The following ZMPSTE24 variants were observed in gnomAD, a reference collection of about 807,000 sequenced individuals.
ZMPSTE24 encodes the protein zinc metallopeptidase STE24, also known as CAAX prenyl protease 1 homolog.
ZMPSTE24 carries 48 observed loss-of-function variants against 56.7 expected under a neutral mutation model. That is an observed-to-expected ratio of 0.85 (90% confidence interval 0.67 to 1.08). The LOEUF is 1.08. Among genes scored for constraint, ZMPSTE24 ranks in the 50% least tolerant of loss-of-function variants. The pLI is 0.00. For synonymous variants in ZMPSTE24, 172 were observed against 195.2 expected, an observed-to-expected ratio of 0.88 and a Z score of 0.99; for missense variants, 503 against 548.7, an observed-to-expected ratio of 0.92 and a Z score of 0.83.
At position 40,267,856 on chromosome 1, in the gene ZMPSTE24, T is replaced by C. The variant is rs529962801; in HGVS notation, c.341T>C (p.Phe114Ser). Reference sequence around the variant, plus strand: ...GGACGGTTCTGTGGTTATGCTGGCTTTGGACCAGAATATGAGGTATGTGAT... The same window carrying C: ...GGACGGTTCTGTGGTTATGCTGGCTCTGGACCAGAATATGAGGTATGTGAT... Reference protein sequence around the residue: ...LSGRFCGYAGFGPEYEITQSL... With the variant: ...LSGRFCGYAGSGPEYEITQSL... Residue 114 changes from phenylalanine to serine, a missense_variant, in exon 3 of 10, where the codon TTT becomes TCT. Phe to Ser is a radical substitution (Grantham distance 155). Coordinates refer to ENST00000372759, the MANE Select transcript of ZMPSTE24 (RefSeq NM_005857.5). 1 of 1,613,210 alleles carries C rather than the reference T, an allele frequency of 6.2e-7. No homozygotes were observed. Among genetic ancestry groups the C allele is most frequent in the African/African-American group, 1.3e-5 (1 of 75,020 alleles).
intron 6 of ZMPSTE24, among the ~76,000 whole-genome samples, chr1:40,273,537 AATAT>A (rs71577619): frequency 7.3e-4 from 9 of 12,384 alleles, no homozygotes; most frequent in South Asian, 4.3e-3. Flanking sequence ...AAAAAAAAAA[AATAT>A]ATATATATAT....
intron 2 of ZMPSTE24, among the ~76,000 whole-genome samples, chr1:40,267,577 C>G (rs770369402): frequency 6.8e-6 from 1 of 147,718 alleles, no homozygotes; most frequent in Non-Finnish European, 1.5e-5. Flanking sequence ...ACCTTGTTGC[C>G]CAGGCTGGTC....
intron 6 of ZMPSTE24, among the ~76,000 whole-genome samples, chr1:40,273,311 C>T (rs765076911): frequency 8.6e-5 from 13 of 151,424 alleles, no homozygotes; most frequent in Admixed American, 4.6e-4. Context: ...TGAGGTCAGG[C>T]GTTCGAGACC....
intron 6 of ZMPSTE24, among the ~76,000 whole-genome samples, chr1:40,274,058 A>G (rs956982176): frequency 6.6e-6 from 1 of 152,174 alleles, no homozygotes; most frequent in African/African-American, 2.4e-5. Flanking sequence ...TTCAGACGTC[A>G]GGCTTCAGGG....
chr1:40,273,355 T>C (rs1368210665), intron 6 of ZMPSTE24, among the ~76,000 whole-genome samples: 1 of 150,648 alleles, frequency 6.6e-6, no homozygotes, highest in Admixed American at 6.6e-5. Context: ...CTGTCTTTAC[T>C]AAAATACAAA....
intron 9 of ZMPSTE24, among the ~76,000 whole-genome samples, chr1:40,291,602 G>A (rs1042222230): frequency 2.0e-5 from 3 of 152,152 alleles, no homozygotes; most frequent in Non-Finnish European, 4.4e-5. Flanking sequence ...GTTTGGTAAG[G>A]CTTCCAAATT....
At chr1:40,284,300 A>G (rs909677710) in intron 7 of ZMPSTE24, among the ~76,000 whole-genome samples, 1 of 151,632 alleles carries the variant, frequency 6.6e-6, no homozygotes, top group African/African-American at 2.4e-5. Context: ...TCCAATTTAC[A>G]GCATTTCGTT....
intron 4 of ZMPSTE24, 143 bp from the exon 5 acceptor site, chr1:40,269,832 T>C (rs1643595890): frequency 1.1e-6 from 1 of 924,260 alleles, no homozygotes; most frequent in Non-Finnish European, 1.6e-6. Flanking sequence ...TGTCTTAAGC[T>C]GCCTAATGTC....
chr1:40,290,896 G>A lies in ZMPSTE24; in HGVS notation c.1102G>A (p.Gly368Ser). The change falls in exon 9 of 10, where the codon GGT becomes AGT. Residue 368 changes from glycine (G) to serine (S), a missense_variant. By Grantham distance (56) the Gly-to-Ser change is moderately conservative (BLOSUM62 0). Transcript: ENST00000372759. ...TTTTTTTTTATTTGCTGTATTAATT[G>A]GTCGAAAGGAGCTTTTTGCTGCATT... is the stretch of plus-strand genomic sequence containing the variant. ...LCFFLFAVLIGRKELFAAFGF... is the reference protein window; with the variant it reads ...LCFFLFAVLISRKELFAAFGF... The A allele has an allele frequency of 6.2e-7, 1 of 1,613,760 alleles. No homozygotes were observed.
chr1:40,285,820 C>G (rs766694958), intron 7 of ZMPSTE24, 105 bp from the exon 8 acceptor site: 85 of 930,032 alleles, frequency 9.1e-5, no homozygotes, highest in Middle Eastern at 3.3e-4. Context: ...TTGAACAAAA[C>G]TGATTATTTC....
chr1:40,283,016 T>A (rs770638724), intron 7 of ZMPSTE24, among the ~76,000 whole-genome samples: 1 of 152,184 alleles, frequency 6.6e-6, no homozygotes, highest in East Asian at 1.9e-4. Flanking sequence ...AGAAAATGAT[T>A]AGCATCTGAG....
intron 2 of ZMPSTE24, among the ~76,000 whole-genome samples, chr1:40,264,755 C>T (rs539163418): frequency 2.9e-4 from 44 of 151,062 alleles, no homozygotes; most frequent in African/African-American, 1.0e-3. Flanking sequence ...TGATGTGCAC[C>T]TGCAGTTCTA....
At chr1:40,261,154 C>A (rs1466636494) in intron 2 of ZMPSTE24, among the ~76,000 whole-genome samples, 169 bp downstream of exon 2, 1 of 152,152 alleles carries the variant, frequency 6.6e-6, no homozygotes, top group African/African-American at 2.4e-5. Context: ...ACTGCTTAGT[C>A]AGTTGAAAAC....
At chr1:40,292,252 C>T (rs1045609259) in intron 9 of ZMPSTE24, among the ~76,000 whole-genome samples, 193 bp from the exon 10 acceptor site, 1 of 152,066 alleles carries the variant, frequency 6.6e-6, no homozygotes, top group African/African-American at 2.4e-5. Context: ...TGTTTCTGGC[C>T]TGTTTGCTTG....
At chr1:40,273,559 T>TATATATATAA (rs1643637672) in intron 6 of ZMPSTE24, among the ~76,000 whole-genome samples, 1 of 111,280 alleles carries the variant, frequency 9.0e-6, no homozygotes, top group Non-Finnish European at 1.7e-5. Context: ...TATATATATA[T>TATATATATAA]ATATATATAT....
rs189610892 is a variant in ZMPSTE24, at chr1:40,283,071, C to T, written c.954+1544C>T. ...AACAGGTTCTAGTAAAGTACCTAGCCTGTTATAAATACGTAGATGAAATAA... is the reference window on the plus strand; with the variant it reads ...AACAGGTTCTAGTAAAGTACCTAGCTTGTTATAAATACGTAGATGAAATAA... On this transcript the variant is annotated intron_variant, in intron 7 of 9. Transcript: ENST00000372759. 3.7e-3 allele frequency among the ~76,000 whole-genome samples: 558 copies of T among 152,208 alleles called. 2 individuals are homozygous for T. Among genetic ancestry groups the T allele is most frequent in the Admixed American group, 7.5e-3 (114 of 15,282 alleles).
At chr1:40,284,171 C>G (rs556202244) in intron 7 of ZMPSTE24, among the ~76,000 whole-genome samples, 7 of 143,160 alleles carry the variant, frequency 4.9e-5, no homozygotes, top group African/African-American at 1.8e-4. Flanking sequence ...CCAGGCTGGT[C>G]TCAAACTCCT....
chr1:40,270,473 T>A (rs1643603252), intron 5 of ZMPSTE24, among the ~76,000 whole-genome samples: 1 of 152,306 alleles, frequency 6.6e-6, no homozygotes, highest in Admixed American at 6.5e-5. Context: ...CCTAAAATCA[T>A]GGTTATTTTG....
At chr1:40,279,002 A>G (rs1208856588) in intron 6 of ZMPSTE24, among the ~76,000 whole-genome samples, 4 of 152,120 alleles carry the variant, frequency 2.6e-5, no homozygotes, top group African/African-American at 9.7e-5. Flanking sequence ...TTAGCCGGGC[A>G]TGGTGGTATG....
Sources: allele counts gnomAD v4.1 joint callset (sites outside exome capture counted in the v4.1 genomes callset), GRCh38; gene constraint gnomAD v4.1.1; transcripts MANE v1.5; gene names NCBI Gene and HGNC (gene_info 2026-07-23, HGNC 2026-07-21).